MRPS14: variants seen among roughly 807,000 people sequenced by gnomAD.
MRPS14 encodes the protein small ribosomal subunit protein uS14m.
A neutral mutation model predicts 16.4 loss-of-function variants in MRPS14; 14 were observed. That is an observed-to-expected ratio of 0.85 (90% CI 0.56 to 1.33). The LOEUF (loss-of-function observed/expected upper bound fraction) is 1.33. MRPS14 is among the 40% of genes most tolerant of loss of function. MRPS14 has a pLI of 0.00. For missense variants in MRPS14, 162 were observed against 176.8 expected (o/e 0.92, Z 0.48); for synonymous variants, 54 against 61.9 (o/e 0.87, Z 0.60).
chr1:175,022,253 A>G (rs1672991198), intron 1 of MRPS14, among the ~76,000 whole-genome samples: 1 of 152,128 alleles, frequency 6.6e-6, no homozygotes, highest in Non-Finnish European at 1.5e-5. Context: ...TATTTTGGAT[A>G]TACCTGGTTA....
intron 1 of MRPS14, among the ~76,000 whole-genome samples, chr1:175,021,896 G>C (rs1466692990): frequency 6.6e-6 from 1 of 152,124 alleles, no homozygotes; most frequent in African/African-American, 2.4e-5. Flanking sequence ...CAACATAGTG[G>C]CTCACTTACT....
At chr1:175,019,599 A>T (rs1247283389) in intron 1 of MRPS14, among the ~76,000 whole-genome samples, 1 of 152,152 alleles carries the variant, frequency 6.6e-6, no homozygotes, top group East Asian at 1.9e-4. Flanking sequence ...CCTGATGAGG[A>T]TAGATTATTG....
intron 2 of MRPS14, among the ~76,000 whole-genome samples, chr1:175,017,111 C>A (rs954033376): frequency 2.0e-5 from 3 of 151,828 alleles, no homozygotes; most frequent in Non-Finnish European, 4.4e-5. Flanking sequence ...CTGGAGCGTA[C>A]TGGCGTGATC....
chr1:175,018,596 G>A lies in MRPS14; in HGVS notation c.46-20C>T. ...AACCATCTGAAAGACAGAGACAAGGGACAAGTGAAGGATAGCCAGGACAAC... is the reference window on the plus strand; with the variant it reads ...AACCATCTGAAAGACAGAGACAAGGAACAAGTGAAGGATAGCCAGGACAAC... On this transcript the variant is annotated intron_variant, in intron 1 of 2. Coordinates refer to ENST00000476371, the MANE Select transcript of MRPS14 (RefSeq NM_022100.3). 6.4e-7 allele frequency: 1 copy of A among 1,570,782 alleles called. No individual in the cohort carries two copies. Among genetic ancestry groups the A allele is most frequent in the Non-Finnish European group, 8.6e-7 (1 of 1,161,074 alleles).
intron 1 of MRPS14, 144 bp downstream of exon 1, chr1:175,023,220 C>T: frequency 6.5e-7 from 1 of 1,543,890 alleles, no homozygotes; most frequent in Non-Finnish European, 8.7e-7. Context: ...TCCCCTGAAC[C>T]AAGCCCAAGC....
intron 2 of MRPS14, among the ~76,000 whole-genome samples, chr1:175,017,475 A>G (rs1672903662): frequency 6.6e-6 from 1 of 152,158 alleles, no homozygotes; most frequent in African/African-American, 2.4e-5. Flanking sequence ...CTAAAAAGAA[A>G]CCATAGTAAT....
chr1:175,014,818 G>A lies in MRPS14; in HGVS notation c.238C>T (p.Arg80Trp), dbSNP rs180930712. The change falls in exon 3 of 3, where the codon CGG (arginine) becomes TGG (tryptophan). Residue 80 changes from arginine to tryptophan, a missense_variant. Coordinates refer to ENST00000476371, the MANE Select transcript of MRPS14 (RefSeq NM_022100.3). The stretch of plus-strand genomic sequence containing the variant: ...CTGATTCTAACAGGACAGCTATCCC[G>A]GGGGAGGGCAGCAATTTCTTCATCA... ...VADEEIAALP[R>W]DSCPVRIRNR... is the part of the protein sequence containing the mutation. 6 of 1,613,826 alleles carry A rather than the reference G, an allele frequency of 3.7e-6. No individual in the cohort carries two copies. Among genetic ancestry groups the A allele is most frequent in the African/African-American group, 2.7e-5 (2 of 75,014 alleles).
At chr1:175,017,497 A>G (rs1342420117) in intron 2 of MRPS14, among the ~76,000 whole-genome samples, 1 of 152,208 alleles carries the variant, frequency 6.6e-6, no homozygotes, top group Non-Finnish European at 1.5e-5. Context: ...AATAGGATGT[A>G]TATCATTCTG....
intron 2 of MRPS14, among the ~76,000 whole-genome samples, chr1:175,015,456 G>A (rs1672864598): frequency 6.6e-6 from 1 of 152,186 alleles, no homozygotes; most frequent in South Asian, 2.1e-4. Flanking sequence ...TCAAATAGGA[G>A]GGAATGTGGC....
At chr1:175,020,997 C>T (rs55960536) in intron 1 of MRPS14, among the ~76,000 whole-genome samples, 2,133 of 152,246 alleles carry the variant, frequency 0.014, 62 homozygotes, top group African/African-American at 0.049. Context: ...CTTTTAAATT[C>T]TCAATTTCTC....
intron 1 of MRPS14, 69 bp from the exon 2 acceptor site, chr1:175,018,645 C>T (rs1203489735): frequency 2.2e-6 from 3 of 1,368,876 alleles, no homozygotes; most frequent in African/African-American, 2.9e-5. Context: ...CTCAACCCTG[C>T]AATTCTCTTT....
At chr1:175,018,201 G>C (rs1188022607) in intron 2 of MRPS14, among the ~76,000 whole-genome samples, 1 of 152,118 alleles carries the variant, frequency 6.6e-6, no homozygotes, top group East Asian at 1.9e-4. Flanking sequence ...TACTTTCTAA[G>C]GCTGGCATAA....
intron 2 of MRPS14, among the ~76,000 whole-genome samples, chr1:175,017,623 A>G (rs1672906756): frequency 6.6e-6 from 1 of 152,122 alleles, no homozygotes; most frequent in East Asian, 1.9e-4. Context: ...CTACATCACC[A>G]CTTAGGTGCA....
At chr1:175,023,269 C>T (rs763915748) in intron 1 of MRPS14, 95 bp downstream of exon 1, 28 of 1,567,992 alleles carry the variant, frequency 1.8e-5, no homozygotes, top group Admixed American at 3.9e-5. Context: ...GACTGGTCCT[C>T]ACCGAGCACT....
At chr1:175,018,056 G>C (rs1021766126) in intron 2 of MRPS14, among the ~76,000 whole-genome samples, 1 of 152,038 alleles carries the variant, frequency 6.6e-6, no homozygotes, top group Non-Finnish European at 1.5e-5. Context: ...CCTGGGAGGC[G>C]GAGGTTGTGG....
rs112460130 is a variant in MRPS14, at chr1:175,017,979, C to A, written c.204+439G>T. 3.3e-5 allele frequency among the ~76,000 whole-genome samples: 5 copies of A among 152,214 alleles called. 1 individual carries two copies. The highest frequency in any genetic ancestry group is 1.2e-4 in the African/African-American group (5 of 41,526). ...TCTCTACTAAAAATACAAAAATTAG[C>A]CAGGCATGGTGGCATGTGCCTGTAA... On this transcript the variant is annotated intron_variant, in intron 2 of 2. Transcript: ENST00000476371.
At chr1:175,016,074 G>A (rs918729303) in intron 2 of MRPS14, among the ~76,000 whole-genome samples, 3 of 151,996 alleles carry the variant, frequency 2.0e-5, no homozygotes, top group African/African-American at 7.3e-5. Flanking sequence ...GCACATGCCT[G>A]TAATCCCATC....
rs1461129692 is a variant in MRPS14 at position 175,013,393 on chromosome 1, CTT to C, written c.*1274_*1275del. On this transcript the variant is annotated 3_prime_UTR_variant, in exon 3 of 3. Coordinates refer to ENST00000476371, the MANE Select transcript of MRPS14 (RefSeq NM_022100.3). Reference sequence around the variant, plus strand: ...TTGCCCTCTACCATCTATCTAGACACTTTTATCAGGAACCCAGAGAACCATCT... The same window carrying C: ...TTGCCCTCTACCATCTATCTAGACACTTATCAGGAACCCAGAGAACCATCT... 6.6e-6 allele frequency: 1 copy of C among 152,162 alleles called. No homozygotes were observed. Among genetic ancestry groups the C allele is most frequent in the Non-Finnish European group, 1.5e-5 (1 of 68,034 alleles). The allele number at this position is 152,162 out of a possible 1,614,324, so 9.4% of individuals were successfully genotyped here.
intron 1 of MRPS14, among the ~76,000 whole-genome samples, chr1:175,019,196 T>C (rs1268261163): frequency 2.0e-5 from 3 of 152,230 alleles, no homozygotes; most frequent in Admixed American, 2.0e-4. Flanking sequence ...TCTCACTATT[T>C]ATTATTATAA....
Sources: gnomAD v4.1 joint callset for allele counts (sites outside exome capture counted in the v4.1 genomes callset) on GRCh38, gnomAD v4.1.1 for gene constraint, MANE v1.5 for transcripts, NCBI Gene and HGNC (gene_info 2026-07-23, HGNC 2026-07-21) for gene names.